Variants in RANBP3 observed in about 807,000 individuals in gnomAD.
RANBP3 encodes the protein RAN binding protein 3.
Under a neutral mutation model 77.3 loss-of-function variants are expected in RANBP3, and 14 were observed. The ratio of observed to expected loss-of-function variants is 0.18; its 90% confidence interval spans 0.12 to 0.28. The LOEUF (loss-of-function observed/expected upper bound fraction) is 0.28. Among genes scored for constraint, RANBP3 ranks in the 10% least tolerant of loss-of-function variants. The pLI is 1.00. For missense variants in RANBP3, 586 were observed against 752.3 expected (o/e 0.78, Z 2.59); for synonymous variants, 315 against 312.4 (o/e 1.01, Z -0.09).
chr19:5,967,017 T>C (rs1244797259), intron 1 of RANBP3, among the ~76,000 whole-genome samples: 2 of 152,262 alleles, frequency 1.3e-5, no homozygotes, highest in Non-Finnish European at 2.9e-5. Flanking sequence ...CAGAAATTAT[T>C]ATAAACAGTT....
intron 10 of RANBP3, 124 bp from the exon 11 acceptor site, chr19:5,925,029 A>C: frequency 2.3e-6 from 2 of 863,286 alleles, no homozygotes; most frequent in Non-Finnish European, 3.9e-6. Context: ...GCCACTGTGC[A>C]CGGGGTGGCG....
At chr19:5,972,345 G>A (rs1330417462) in intron 1 of RANBP3, among the ~76,000 whole-genome samples, 1 of 152,208 alleles carries the variant, frequency 6.6e-6, no homozygotes, top group Non-Finnish European at 1.5e-5. Flanking sequence ...CAAGACTACT[G>A]AGGAGGAAGC....
chr19:5,951,611 G>T lies in RANBP3; in HGVS notation c.79-15C>A, dbSNP rs1452113621. On this transcript the variant is annotated splice_polypyrimidine_tract_variant and intron_variant, in intron 2 of 16. Coordinates refer to ENST00000340578, the MANE Select transcript of RANBP3 (RefSeq NM_007322.3). ...TCTGCAGGGGACTGGGAGCAAAAAA[G>T]ACAATTTTCCTTCAATGTGAATAAA... 1.9e-6 allele frequency: 3 copies of T among 1,608,374 alleles called. No individual in the cohort carries two copies. The highest frequency in any genetic ancestry group is 2.5e-6 in the Non-Finnish European group (3 of 1,177,142).
At chr19:5,974,604 C>T (rs1479799004) in intron 1 of RANBP3, among the ~76,000 whole-genome samples, 1 of 152,116 alleles carries the variant, frequency 6.6e-6, no homozygotes, top group East Asian at 1.9e-4. Context: ...GAGTTGCTGT[C>T]ACCATCCATG....
chr19:5,962,088 G>A (rs938639049), intron 1 of RANBP3, among the ~76,000 whole-genome samples: 1 of 152,062 alleles, frequency 6.6e-6, no homozygotes, highest in Non-Finnish European at 1.5e-5. Context: ...CGGAGACCAC[G>A]GCCACAGCAG....
chr19:5,977,367 G>A (rs1458316768), intron 1 of RANBP3, among the ~76,000 whole-genome samples: 1 of 152,180 alleles, frequency 6.6e-6, no homozygotes, highest in Non-Finnish European at 1.5e-5. Flanking sequence ...CCACAGAGGA[G>A]GGACTCGCAC....
chr19:5,975,644 T>C (rs577601194), intron 1 of RANBP3, among the ~76,000 whole-genome samples: 4 of 147,324 alleles, frequency 2.7e-5, no homozygotes, highest in Non-Finnish European at 4.5e-5. Flanking sequence ...CAAACATGCA[T>C]GTAATATCTA....
chr19:5,962,625 G>A (rs2051166383), intron 1 of RANBP3: 1 of 455,650 alleles, frequency 2.2e-6, no homozygotes, highest in Non-Finnish European at 4.4e-6. Context: ...CGGCCCATTG[G>A]GACCCCTGCT....
intron 3 of RANBP3, among the ~76,000 whole-genome samples, chr19:5,945,214 C>T (rs759678036): frequency 3.3e-5 from 5 of 152,238 alleles, no homozygotes; most frequent in Non-Finnish European, 7.3e-5. Context: ...ACGGAGAAGC[C>T]GAAGACCTGA....
rs1397736418 is a variant in RANBP3 at position 5,917,499 on chromosome 19, G to T, written c.*111C>A. 8.0e-7 allele frequency: 1 copy of T among 1,251,514 alleles called. No individual in the cohort carries two copies. Among genetic ancestry groups the T allele is most frequent in the Non-Finnish European group, 1.1e-6 (1 of 914,572 alleles). 77.5% of individuals were successfully genotyped at this position (1,251,514 alleles called of 1,614,324 possible). A position where few individuals can be genotyped will look rare whatever the true frequency, so the allele number is the denominator to read the frequency against. ...GTCCAGACTGTGGCCGGCCCAGTGG[G>T]GTGTGTGGTTCCCGGCCCCGCACCT... On this transcript the variant is annotated 3_prime_UTR_variant, in exon 17 of 17. Coordinates refer to ENST00000340578, the MANE Select transcript of RANBP3 (RefSeq NM_007322.3).
In RANBP3 at chr19:5,939,779, C is replaced by T. The variant is rs558631798; in HGVS notation, c.406+1842G>A. Among the ~76,000 whole-genome samples, 127 of 152,074 alleles carry T rather than the reference C, an allele frequency of 8.4e-4. 1 individual carries two copies. Among genetic ancestry groups the T allele is most frequent in the Middle Eastern group, 3.4e-3 (1 of 294 alleles). Reference sequence around the variant, plus strand: ...AACCCCAAGACTCTTTACAGCACTACGAGGGTCTCCAGCCCGACGGCCTTG... The same window carrying T: ...AACCCCAAGACTCTTTACAGCACTATGAGGGTCTCCAGCCCGACGGCCTTG... On this transcript the variant is annotated intron_variant, in intron 5 of 16. Transcript: ENST00000340578.
rs2058113305 is a variant in RANBP3, at chr19:5,939,902, C to T, written c.406+1719G>A. On this transcript the variant is annotated intron_variant, in intron 5 of 16. Coordinates refer to ENST00000340578, the MANE Select transcript of RANBP3 (RefSeq NM_007322.3). Reference sequence around the variant, plus strand: ...GCCGGCAGGGGAGATATCAGATGCTCCAGGCCACATTGGAGGCCCTGACTC... The same window carrying T: ...GCCGGCAGGGGAGATATCAGATGCTTCAGGCCACATTGGAGGCCCTGACTC... Among the ~76,000 whole-genome samples, 5 of 152,344 alleles carry T rather than the reference C, an allele frequency of 3.3e-5. No individual in the cohort carries two copies. In the South Asian group the frequency reaches 1.0e-3, roughly 32 times the overall value.
At chr19:5,936,227 A>G (rs567825911) in intron 5 of RANBP3, among the ~76,000 whole-genome samples, 1 of 152,372 alleles carries the variant, frequency 6.6e-6, no homozygotes, top group South Asian at 2.1e-4. Flanking sequence ...AGGCTCAGCC[A>G]TGCGGTGGGC....
intron 5 of RANBP3, among the ~76,000 whole-genome samples, chr19:5,937,427 C>T (rs1356071106): frequency 6.6e-6 from 1 of 152,146 alleles, no homozygotes; most frequent in Non-Finnish European, 1.5e-5. Flanking sequence ...AACAGCTGAC[C>T]TGTAATCCTC....
rs1319666206 is a variant in RANBP3 at position 5,959,283 on chromosome 19, G to A, written c.23-1310C>T. 6.6e-6 allele frequency among the ~76,000 whole-genome samples: 1 copy of A among 152,094 alleles called. No individual in the cohort carries two copies. Among genetic ancestry groups the A allele is most frequent in the Non-Finnish European group, 1.5e-5 (1 of 68,014 alleles). On this transcript the variant is annotated intron_variant, in intron 1 of 16. Transcript: ENST00000340578. This position sits in a 1 kb window ranked among gnomAD's most constrained non-coding sequence, Gnocchi z 5.1. ...AAACAGTTTGGGGAAGGGAGTGAGA[G>A]TGGCTGTGGGGAGACCAGGTGGGTA...
rs1256042603 is a variant in RANBP3 at position 5,924,064 on chromosome 19, C to T, written c.997-150G>A. On this transcript the variant is annotated intron_variant, in intron 11 of 16. Transcript: ENST00000340578. The surrounding 1 kb of genome is among the most constrained non-coding windows in gnomAD (Gnocchi z 4.7). ...GACACCCTGAACTGCCTGGGAGCTC[C>T]CCACGTGGTCCCTCAGGCATCACTA... is the stretch of plus-strand genomic sequence containing the variant. 1.6e-6 allele frequency: 1 copy of T among 630,500 alleles called. No individual in the cohort carries two copies. Among genetic ancestry groups the T allele is most frequent in the African/African-American group, 1.8e-5 (1 of 54,616 alleles). The allele number at this position is 630,500 out of a possible 1,614,324, so 39.1% of individuals were successfully genotyped here.
chr19:5,955,292 G>A (rs559894712), intron 2 of RANBP3, among the ~76,000 whole-genome samples: 1 of 152,208 alleles, frequency 6.6e-6, no homozygotes, highest in East Asian at 1.9e-4. Flanking sequence ...CACCACAGTA[G>A]AGATGGGGTT....
rs1176253421 is a variant in RANBP3, at chr19:5,959,733, C to T, written c.23-1760G>A. Among the ~76,000 whole-genome samples the T allele has an allele frequency of 6.6e-6, 1 of 152,158 alleles. No individual in the cohort carries two copies. The highest frequency in any genetic ancestry group is 1.5e-5 in the Non-Finnish European group (1 of 68,028). ...GGGACAGAGCAGCAGCGTATCCACA[C>T]CATGTGTGCCACCAGGATCCTAGAG... On this transcript the variant is annotated intron_variant, in intron 1 of 16. Coordinates refer to ENST00000340578, the MANE Select transcript of RANBP3 (RefSeq NM_007322.3). The surrounding 1 kb of genome is among the most constrained non-coding windows in gnomAD (Gnocchi z 5.1).
chr19:5,945,120 T>C (rs2058187686), intron 3 of RANBP3, among the ~76,000 whole-genome samples: 1 of 152,150 alleles, frequency 6.6e-6, no homozygotes, highest in Non-Finnish European at 1.5e-5. Flanking sequence ...TCCACTAGAC[T>C]TAGGAAGGAA....
Sources: allele counts gnomAD v4.1 joint callset (sites outside exome capture counted in the v4.1 genomes callset), GRCh38; gene constraint gnomAD v4.1.1; non-coding constraint Gnocchi (gnomAD v3.1); transcripts MANE v1.5; gene names NCBI Gene and HGNC (gene_info 2026-07-23, HGNC 2026-07-21).